The following RPH3A variants were observed in gnomAD, a reference collection of about 807,000 sequenced individuals.
The protein encoded by RPH3A is rabphilin-3A.
In RPH3A, 48 loss-of-function variants were observed where a neutral mutation model predicts 102.2. That is an observed-to-expected ratio of 0.47 (90% CI 0.37 to 0.60). The LOEUF is 0.60. Ranked by LOEUF, RPH3A falls within the 20% of genes least tolerant of loss-of-function variation. RPH3A has a pLI of 0.00. For synonymous variants in RPH3A, 310 were observed against 324.3 expected (o/e 0.96, Z 0.47); for missense variants, 781 against 910.1 (o/e 0.86, Z 1.83).
chr12:112,672,500 C>T (rs561938092), intron 1 of RPH3A, among the ~76,000 whole-genome samples: 2 of 152,314 alleles, frequency 1.3e-5, no homozygotes, highest in Non-Finnish European at 2.9e-5. Context: ...TGTCATTTCA[C>T]AGGGTTATGG....
chr12:112,800,418 G>T (rs1431099750), intron 2 of RPH3A, among the ~76,000 whole-genome samples: 1 of 152,190 alleles, frequency 6.6e-6, no homozygotes, highest in East Asian at 1.9e-4. Flanking sequence ...AGGAACAACA[G>T]GTTCAGATCA....
Position 112,729,401 on chromosome 12 carries a change from G to A in RPH3A, c.-139-62742G>A, listed in dbSNP as rs111737313. Among the ~76,000 whole-genome samples the A allele has an allele frequency of 3.4e-3, 511 of 152,270 alleles. 6 individuals carry two copies. Among genetic ancestry groups the A allele is most frequent in the African/African-American group, 0.012 (499 of 41,548 alleles). On this transcript the variant is annotated intron_variant, in intron 1 of 21. Transcript: ENST00000543106. ...GGGTTTCACCATGTTGCACAGGCTG[G>A]TCTTGAACTCCTGGGCTCAAGCAAT...
At chr12:112,738,442 T>C (rs761091047) in intron 1 of RPH3A, among the ~76,000 whole-genome samples, 6 of 152,174 alleles carry the variant, frequency 3.9e-5, no homozygotes, top group Non-Finnish European at 5.9e-5. Context: ...GCAGATACCT[T>C]ATTTCCAAAT....
intron 1 of RPH3A, among the ~76,000 whole-genome samples, chr12:112,597,824 A>G (rs1308474886): frequency 1.3e-5 from 2 of 152,168 alleles, no homozygotes; most frequent in Non-Finnish European, 2.9e-5. Flanking sequence ...ATATAGAAGG[A>G]GCATAGACTG....
At chr12:112,727,452 GACACAGACAC>G (rs1565862456) in intron 1 of RPH3A, among the ~76,000 whole-genome samples, 2,079 of 51,702 alleles carry the variant, frequency 0.04, 205 homozygotes, top group African/African-American at 0.12. Flanking sequence ...TACACACACA[GACACAGACAC>G]ACACACACAC....
chr12:112,796,594 T>A (rs755588753), intron 2 of RPH3A, among the ~76,000 whole-genome samples: 1 of 152,180 alleles, frequency 6.6e-6, no homozygotes, highest in African/African-American at 2.4e-5. Flanking sequence ...CAGTCGTTGG[T>A]GAAAGGTTTG....
chr12:112,841,842 C>T (rs886566230), intron 4 of RPH3A: 22 of 442,450 alleles, frequency 5.0e-5, no homozygotes, highest in Non-Finnish European at 8.7e-5. Context: ...TCTTCTCCAG[C>T]ATTCATTCCT....
intron 1 of RPH3A, among the ~76,000 whole-genome samples, chr12:112,642,805 C>G (rs1215366044): frequency 6.6e-6 from 1 of 152,192 alleles, no homozygotes; most frequent in African/African-American, 2.4e-5. Context: ...ATTTAATCCT[C>G]ACATCAATTC....
rs1215483540 is a variant in RPH3A, at chr12:112,606,746, G to A, written c.-140+31427G>A. On this transcript the variant is annotated intron_variant, in intron 1 of 21. Transcript: ENST00000543106. ...GCAGCATGTCTTCAACAAGGCAACAGGAGAGAGTGAGAGAAGGGGGAGGTG... is the reference window on the plus strand; with the variant it reads ...GCAGCATGTCTTCAACAAGGCAACAAGAGAGAGTGAGAGAAGGGGGAGGTG... Among the ~76,000 whole-genome samples the A allele has an allele frequency of 2.6e-5, 4 of 152,324 alleles. No homozygotes were observed. The East Asian group carries it at 7.7e-4, about 29-fold the overall frequency.
chr12:112,587,320 G>A (rs1172246228), intron 1 of RPH3A, among the ~76,000 whole-genome samples: 1 of 152,214 alleles, frequency 6.6e-6, no homozygotes, highest in Admixed American at 6.5e-5. Flanking sequence ...GTGTGCAAAG[G>A]CAAGTTCATA....
intron 1 of RPH3A, among the ~76,000 whole-genome samples, chr12:112,781,139 TAC>T (rs2041004236): frequency 6.6e-6 from 1 of 151,882 alleles, no homozygotes; most frequent in African/African-American, 2.4e-5. Context: ...CAGCCTGGGC[TAC>T]AGAGTGAGAC....
intron 5 of RPH3A, chr12:112,850,664 A>G (rs1257075356): frequency 6.6e-6 from 1 of 152,226 alleles, no homozygotes; most frequent in East Asian, 1.9e-4. Context: ...TTATAAACTC[A>G]AACCTGCCCT....
At chr12:112,790,087 A>G (rs1488857094), upstream of RPH3A, among the ~76,000 whole-genome samples, 1 of 149,388 alleles carries the variant, frequency 6.7e-6, no homozygotes, top group Non-Finnish European at 1.5e-5. Flanking sequence ...ATGGAGTTTC[A>G]CTCTCGTTGC....
intron 1 of RPH3A, among the ~76,000 whole-genome samples, chr12:112,674,453 C>T (rs1270032446): frequency 1.3e-5 from 2 of 152,196 alleles, no homozygotes; most frequent in South Asian, 2.1e-4. Flanking sequence ...GATTTTGCTG[C>T]AGTGGGCATC....
intron 14 of RPH3A, among the ~76,000 whole-genome samples, chr12:112,881,318 C>T (rs1205499689): frequency 6.6e-6 from 1 of 152,194 alleles, no homozygotes. Flanking sequence ...ATGCAGGGGT[C>T]AGGGCCAGAA....
Position 112,590,942 on chromosome 12 carries a change from G to A in RPH3A, c.-140+15623G>A, listed in dbSNP as rs574783168. On this transcript the variant is annotated intron_variant, in intron 1 of 21. Coordinates refer to the RPH3A transcript ENST00000543106. ...CCCGAGTAGTTGGAAATACAGGCAC[G>A]TGCCACCACACCCAGCTAATTTTAA... Among the ~76,000 whole-genome samples the A allele has an allele frequency of 2.2e-4, 34 of 152,244 alleles. 1 individual carries two copies. Among genetic ancestry groups the A allele is most frequent in the Non-Finnish European group, 3.2e-4 (22 of 68,014 alleles).
chr12:112,765,139 G>A (rs200550515), intron 1 of RPH3A, among the ~76,000 whole-genome samples: 44 of 151,110 alleles, frequency 2.9e-4, no homozygotes, highest in Non-Finnish European at 1.3e-4. Flanking sequence ...CTCCTGCTGC[G>A]TGTCTGCATG....
At chr12:112,789,590 G>C (rs2041075318), upstream of RPH3A, among the ~76,000 whole-genome samples, 1 of 151,980 alleles carries the variant, frequency 6.6e-6, no homozygotes, top group Non-Finnish European at 1.5e-5. Context: ...GTCCTGAAAG[G>C]GTCATGGTGA....
chr12:112,694,587 C>CAGAG lies in RPH3A; in HGVS notation c.-139-97542_-139-97539dup, dbSNP rs888296800. On this transcript the variant is annotated intron_variant, in intron 1 of 21. Transcript: ENST00000543106. Reference sequence around the variant, plus strand: ...AGAGAGACAGAGAGAGAGAGAAAGGCAGAGAGAGAGAGAGAGACAGACAGA... The same window carrying CAGAG: ...AGAGAGACAGAGAGAGAGAGAAAGGCAGAGAGAGAGAGAGAGAGAGACAGACAGA... Among the ~76,000 whole-genome samples the CAGAG allele has an allele frequency of 3.4e-5, 5 of 145,864 alleles. No homozygotes were observed. The South Asian group carries it at 8.8e-4, about 26-fold the overall frequency.
Sources: gnomAD v4.1 joint callset for allele counts (sites outside exome capture counted in the v4.1 genomes callset) on GRCh38, gnomAD v4.1.1 for gene constraint, MANE v1.5 for transcripts, NCBI Gene and HGNC (gene_info 2026-07-23, HGNC 2026-07-21) for gene names.